SDC3: variants seen among roughly 807,000 people sequenced by gnomAD.
SDC3 encodes syndecan-3.
SDC3 carries 13 observed loss-of-function variants against 24.4 expected under a neutral mutation model. That is an observed-to-expected ratio of 0.53 (90% CI 0.35 to 0.85). The LOEUF is 0.85. Among genes scored for constraint, SDC3 ranks in the 40% least tolerant of loss-of-function variants. The pLI is 0.01. For missense variants in SDC3, 571 were observed against 584.5 expected, an observed-to-expected ratio of 0.98 and a Z score of 0.24; for synonymous variants, 295 against 260.9, an observed-to-expected ratio of 1.13 and a Z score of -1.26.
At chr1:30,893,096 C>T (rs1164129202) in intron 1 of SDC3, among the ~76,000 whole-genome samples, 6 of 152,136 alleles carry the variant, frequency 3.9e-5, no homozygotes, top group Non-Finnish European at 8.8e-5. Context: ...AGACACAACA[C>T]GGGACACACA....
chr1:30,902,918 C>T (rs1178395590), intron 1 of SDC3, among the ~76,000 whole-genome samples: 1 of 152,238 alleles, frequency 6.6e-6, no homozygotes, highest in Non-Finnish European at 1.5e-5. Flanking sequence ...ACAGTCCCGG[C>T]TTCCTTCATT....
rs1638581678 is a variant in SDC3 at position 30,908,566 on chromosome 1, G to T, written c.21C>A (p.His7Gln). ...CGGCCCCGTGGGCGGCCCCGGCACG[G>T]TGCGGCGGCCCCGGCTTCATGGCGG... MKPGPP[H>Q]RAGAAHGAGA... The change falls in exon 1 of 5, where the codon CAC becomes CAA. Residue 7 changes from histidine to glutamine, a missense_variant. Coordinates refer to ENST00000339394, the MANE Select transcript of SDC3 (RefSeq NM_014654.4). 3 of 977,042 alleles carry T rather than the reference G, an allele frequency of 3.1e-6. No individual in the cohort carries two copies. The highest frequency in any genetic ancestry group is 1.2e-6 in the Non-Finnish European group (1 of 826,226). The allele number at this position is 977,042 out of a possible 1,614,324, so 60.5% of individuals were successfully genotyped here. A position where few individuals can be genotyped will look rare whatever the true frequency, so the allele number is the denominator to read the frequency against.
chr1:30,897,217 A>T (rs1447104349), intron 1 of SDC3, among the ~76,000 whole-genome samples: 1 of 152,194 alleles, frequency 6.6e-6, no homozygotes, highest in African/African-American at 2.4e-5. Flanking sequence ...CAGAGCTCTT[A>T]GTCCCAGCTC....
chr1:30,876,750 G>A lies in SDC3; in HGVS notation c.672C>T (p.Ala224=), dbSNP rs542107005. Residue 224 remains alanine (A), a synonymous_variant, in exon 3 of 5, where the codon GCC becomes GCT. Transcript: ENST00000339394. Reference sequence around the variant, plus strand: ...GCGGGGAGGGCGCCTCGGGGGTAGTGGCCCGTGCCGTAGCCACTGTGGTCA... The same window carrying A: ...GCGGGGAGGGCGCCTCGGGGGTAGTAGCCCGTGCCGTAGCCACTGTGGTCA... ...LPLTTVATAR[A]TTPEAPSPPT... is the part of the protein sequence containing the mutation. The A allele has an allele frequency of 8.8e-6, 14 of 1,588,622 alleles. No homozygotes were observed. In the East Asian group the frequency reaches 3.1e-4, roughly 36 times the overall value.
At chr1:30,909,074 C>T (rs1201560765), upstream of SDC3, among the ~76,000 whole-genome samples, 1 of 152,134 alleles carries the variant, frequency 6.6e-6, no homozygotes, top group East Asian at 1.9e-4. Flanking sequence ...TACCAGGGCC[C>T]GGGCCTGGCT....
intron 1 of SDC3, among the ~76,000 whole-genome samples, chr1:30,885,941 C>T (rs1639820690): frequency 6.6e-6 from 1 of 152,202 alleles, no homozygotes; most frequent in African/African-American, 2.4e-5. Context: ...GGCTGGGACG[C>T]CTCCGTCACC....
intron 1 of SDC3, among the ~76,000 whole-genome samples, chr1:30,882,140 A>G (rs1199440971): frequency 6.6e-6 from 1 of 152,184 alleles, no homozygotes; most frequent in Non-Finnish European, 1.5e-5. Context: ...AACCTGCCCC[A>G]GCAGACATAC....
At chr1:30,893,314 C>CG (rs1470526057) in intron 1 of SDC3, among the ~76,000 whole-genome samples, 2 of 128,568 alleles carry the variant, frequency 1.6e-5, no homozygotes, top group Non-Finnish European at 3.3e-5. Flanking sequence ...CCCCCCCCCC[C>CG]CCCACCATGT....
Position 30,878,564 on chromosome 1 carries a change from T to C in SDC3, c.256+59A>G, listed in dbSNP as rs1045318910. The stretch of plus-strand genomic sequence containing the variant: ...AAGCCCCCCGTGGGCTTCTCAGAGT[T>C]GAGGCTGGATACAGACTGGTCACTG... On this transcript the variant is annotated intron_variant, in intron 2 of 4. Transcript: ENST00000339394. 7.7e-6 allele frequency: 11 copies of C among 1,431,708 alleles called. No individual in the cohort carries two copies. In the African/African-American group the frequency reaches 1.5e-4, roughly 20 times the overall value. 88.7% of individuals were successfully genotyped at this position (1,431,708 alleles called of 1,614,324 possible). A position where few individuals can be genotyped will look rare whatever the true frequency, so the allele number is the denominator to read the frequency against.
chr1:30,901,227 T>A (rs879434829), intron 1 of SDC3, among the ~76,000 whole-genome samples: 2 of 152,078 alleles, frequency 1.3e-5, no homozygotes, highest in Admixed American at 6.5e-5. Context: ...CCCCAATCCA[T>A]TGGCAAGGCC....
intron 1 of SDC3, 52 bp downstream of exon 1, chr1:30,908,397 C>A: frequency 2.2e-6 from 2 of 930,008 alleles, no homozygotes; most frequent in South Asian, 4.9e-5. Context: ...GCACCCCGCG[C>A]GGGGGGCGGC....
rs140537119 is a variant in SDC3, at chr1:30,881,041, A to G, written c.139-2301T>C. ...CGCGCACGCATGCACACACACACAC[A>G]CACACACACACACGACAGCCCAACA... On this transcript the variant is annotated intron_variant, in intron 1 of 4. Transcript: ENST00000339394. Among the ~76,000 whole-genome samples the G allele has an allele frequency of 1.2e-3, 177 of 148,908 alleles. 1 individual carries two copies. Among genetic ancestry groups the G allele is most frequent in the Middle Eastern group, 0.011 (3 of 284 alleles).
intron 1 of SDC3, among the ~76,000 whole-genome samples, chr1:30,885,618 G>C (rs1403796179): frequency 6.6e-6 from 1 of 152,232 alleles, no homozygotes; most frequent in African/African-American, 2.4e-5. Flanking sequence ...GGGTGGAAAG[G>C]AAATGAACAC....
At chr1:30,883,813 T>A (rs1321743564) in intron 1 of SDC3, among the ~76,000 whole-genome samples, 1 of 152,024 alleles carries the variant, frequency 6.6e-6, no homozygotes, top group Non-Finnish European at 1.5e-5. Flanking sequence ...AGAGGTAAAG[T>A]GATTTGCCCA....
intron 1 of SDC3, among the ~76,000 whole-genome samples, chr1:30,890,187 G>A (rs142457521): frequency 1.3e-5 from 2 of 152,276 alleles, no homozygotes; most frequent in African/African-American, 2.4e-5. Flanking sequence ...GCACGTGCCT[G>A]TAGTCCCAGC....
intron 1 of SDC3, among the ~76,000 whole-genome samples, chr1:30,904,745 G>A (rs1387789508): frequency 6.6e-6 from 1 of 152,174 alleles, no homozygotes; most frequent in Non-Finnish European, 1.5e-5. Flanking sequence ...CTACTGTCAT[G>A]TGATGACCAC....
rs1419271687 is a variant in SDC3, at chr1:30,908,464, C to G, written c.123G>C (p.Ala41=). ...LLPPLLLLLL[A]GRAAGAQRWR... ...TGTCACTCACCCCCGCGGCGCGCCC[C>G]GCCAGCAGCAGCAGCAGCAGCGGTG... is the stretch of plus-strand genomic sequence containing the variant. Residue 41 remains alanine, a synonymous_variant, in exon 1 of 5, where the codon GCG becomes GCC. Transcript: ENST00000339394. 4 of 1,036,858 alleles carry G rather than the reference C, an allele frequency of 3.9e-6. No homozygotes were observed. The highest frequency in any genetic ancestry group is 4.7e-6 in the Non-Finnish European group (4 of 859,954). 64.2% of individuals were successfully genotyped at this position (1,036,858 alleles called of 1,614,324 possible). A position where few individuals can be genotyped will look rare whatever the true frequency, so the allele number is the denominator to read the frequency against.
chr1:30,872,929 T>A lies in SDC3; in HGVS notation c.*282A>T. The A allele has an allele frequency of 2.3e-6, 1 of 426,196 alleles. No individual in the cohort carries two copies. The highest frequency in any genetic ancestry group is 4.2e-6 in the Non-Finnish European group (1 of 239,662). The allele number at this position is 426,196 out of a possible 1,614,324, so 26.4% of individuals were successfully genotyped here. Reference sequence around the variant, plus strand: ...ACCAGCCAATCAGGAGCTTTCTTCCTCCCATCCATCTGACATGAGGTCCTG... The same window carrying A: ...ACCAGCCAATCAGGAGCTTTCTTCCACCCATCCATCTGACATGAGGTCCTG... On this transcript the variant is annotated 3_prime_UTR_variant, in exon 5 of 5. Transcript: ENST00000339394.
intron 3 of SDC3, 109 bp from the exon 4 acceptor site, chr1:30,874,697 G>C (rs185711218): frequency 1.0e-6 from 1 of 998,640 alleles, no homozygotes; most frequent in Admixed American, 2.0e-5. Context: ...TACATGCCAG[G>C]CACTGTGCTA....
Sources: gnomAD v4.1 joint callset for allele counts (sites outside exome capture counted in the v4.1 genomes callset) on GRCh38, gnomAD v4.1.1 for gene constraint, MANE v1.5 for transcripts, NCBI Gene and HGNC (gene_info 2026-07-23, HGNC 2026-07-21) for gene names.